Variants in ATP2B2 observed in about 807,000 individuals in gnomAD.
ATP2B2 encodes the protein ATPase plasma membrane Ca2+ transporting 2.
Under a neutral mutation model 120.0 loss-of-function variants are expected in ATP2B2, and 15 were observed. The ratio of observed to expected loss-of-function variants is 0.12; its 90% CI spans 0.08 to 0.19. The LOEUF (loss-of-function observed/expected upper bound fraction) is 0.19. Ranked by LOEUF, ATP2B2 falls within the 10% of genes least tolerant of loss-of-function variation. ATP2B2 has a pLI of 1.00. For synonymous variants in ATP2B2, 694 were observed against 700.3 expected (o/e 0.99, Z 0.14); for missense variants, 1,045 against 1,719.8 (o/e 0.61, Z 6.94).
intron 2 of ATP2B2, among the ~76,000 whole-genome samples, chr3:10,615,842 T>A (rs2069371546): frequency 6.6e-6 from 1 of 152,218 alleles, no homozygotes; most frequent in Admixed American, 6.5e-5. Flanking sequence ...GAGAGTTTCT[T>A]AGTAAAATTA....
At position 10,594,711 on chromosome 3, in the gene ATP2B2, T is replaced by TATAATAATAATAATA. The variant is rs147616326; in HGVS notation, c.-415+25191_-415+25205dup. Among the ~76,000 whole-genome samples the TATAATAATAATAATA allele has an allele frequency of 3.8e-3, 573 of 149,700 alleles. 3 individuals are homozygous for TATAATAATAATAATA. Among genetic ancestry groups the TATAATAATAATAATA allele is most frequent in the East Asian group, 9.3e-3 (47 of 5,056 alleles). ...TGCACATGTACCCTAGAACTTAAAG[T>TATAATAATAATAATA]ATAATAATAATAATAATAATAATAA... On this transcript the variant is annotated intron_variant, in intron 2 of 21. Transcript: ENST00000646379.
upstream of ATP2B2, among the ~76,000 whole-genome samples, chr3:10,509,285 G>A (rs2066712235): frequency 1.3e-5 from 2 of 152,170 alleles, no homozygotes; most frequent in Non-Finnish European, 2.9e-5. Context: ...AAGCATGGAT[G>A]AGGGCTACCC....
intron 2 of ATP2B2, among the ~76,000 whole-genome samples, chr3:10,617,484 C>G (rs6802970): frequency 0.55 from 84,372 of 152,128 alleles, 24,141 homozygotes; most frequent in Middle Eastern, 0.63. Context: ...AGGAAGGGAA[C>G]GAAAGGAGGT....
Position 10,372,013 on chromosome 3 carries a change from A to C in ATP2B2, c.1455T>G (p.Asp485Glu). The C allele has an allele frequency of 6.2e-7, 1 of 1,614,212 alleles. No homozygotes were observed. Among genetic ancestry groups the C allele is most frequent in the South Asian group, 1.1e-5 (1 of 91,080 alleles). ...MKDNNLVRHL[D>E]ACETMGNATA... ...TGGCATTGCCCATGGTCTCACAGGC[A>C]TCCAGGTGGCGTACCAGGTTGTTGT... The change falls in exon 12 of 23, where the codon GAT becomes GAG. Residue 485 changes from aspartate to glutamate, a missense_variant. Around this residue, in one of 11 missense-constraint regions of ATP2B2, gnomAD observed 343 missense variants for 536.8 expected, o/e 0.64. Coordinates refer to ENST00000360273, the MANE Select transcript of ATP2B2 (RefSeq NM_001001331.4).
At chr3:10,651,523 T>C (rs1013964550) in intron 1 of ATP2B2, among the ~76,000 whole-genome samples, 1 of 152,238 alleles carries the variant, frequency 6.6e-6, no homozygotes, top group Non-Finnish European at 1.5e-5. Context: ...CACATGGAAC[T>C]GTAAGTCCAA....
intron 1 of ATP2B2, among the ~76,000 whole-genome samples, chr3:10,698,731 T>A (rs2080008129): frequency 6.6e-6 from 1 of 152,206 alleles, no homozygotes; most frequent in Non-Finnish European, 1.5e-5. Context: ...GCCTGGGGAA[T>A]GTGCAAAGGA....
At chr3:10,348,057 G>C (rs3774193) in intron 16 of ATP2B2, among the ~76,000 whole-genome samples, 8,525 of 151,922 alleles carry the variant, frequency 0.056, 430 homozygotes, top group East Asian at 0.28. Context: ...ACCATCACTC[G>C]GGCAGCTCTT....
chr3:10,416,894 C>T (rs2062802918), intron 2 of ATP2B2, among the ~76,000 whole-genome samples: 1 of 151,980 alleles, frequency 6.6e-6, no homozygotes, highest in Admixed American at 6.5e-5. Context: ...AGGCGCTCCT[C>T]ACTTCCCAGA....
At chr3:10,559,250 A>T (rs1009251843) in intron 2 of ATP2B2, among the ~76,000 whole-genome samples, 3 of 152,146 alleles carry the variant, frequency 2.0e-5, no homozygotes, top group Non-Finnish European at 4.4e-5. Flanking sequence ...GAGGCTGGGA[A>T]ATGTAGTGGG....
chr3:10,367,885 G>A (rs1012257650), intron 12 of ATP2B2, among the ~76,000 whole-genome samples: 2 of 152,178 alleles, frequency 1.3e-5, no homozygotes, highest in African/African-American at 4.8e-5. Context: ...ATAATGATAT[G>A]CTCACTTTAT....
chr3:10,451,655 C>T (rs2064055734), intron 1 of ATP2B2, among the ~76,000 whole-genome samples: 1 of 152,094 alleles, frequency 6.6e-6, no homozygotes, highest in African/African-American at 2.4e-5. Flanking sequence ...TGGAATAGAA[C>T]ATAAAATGGA....
intron 1 of ATP2B2, among the ~76,000 whole-genome samples, chr3:10,650,173 A>G (rs1419401339): frequency 1.3e-5 from 2 of 152,200 alleles, no homozygotes; most frequent in Non-Finnish European, 2.9e-5. Flanking sequence ...GACTTGTTGA[A>G]TGGCTTTGAC....
chr3:10,696,372 C>T (rs889919694), intron 1 of ATP2B2, among the ~76,000 whole-genome samples: 2 of 152,220 alleles, frequency 1.3e-5, no homozygotes, highest in Non-Finnish European at 1.5e-5. Flanking sequence ...AGGTATTAAA[C>T]ATCAGGATGA....
intron 2 of ATP2B2, among the ~76,000 whole-genome samples, chr3:10,563,078 T>G (rs1327512437): frequency 6.6e-6 from 1 of 152,252 alleles, no homozygotes; most frequent in South Asian, 2.1e-4. Flanking sequence ...AAGTCCTTTC[T>G]GTTTTTCCTT....
At chr3:10,464,727 C>T (rs1024615096) in intron 1 of ATP2B2, among the ~76,000 whole-genome samples, 2 of 152,228 alleles carry the variant, frequency 1.3e-5, no homozygotes, top group African/African-American at 4.8e-5. Flanking sequence ...GCCCCTCCCT[C>T]CCAGGGTTGT....
chr3:10,416,024 TC>T (rs1473378039), intron 2 of ATP2B2, among the ~76,000 whole-genome samples: 2 of 152,160 alleles, frequency 1.3e-5, no homozygotes, highest in African/African-American at 4.8e-5. Context: ...CAAAATAACC[TC>T]TAGGCTGGGG....
At chr3:10,378,533 G>A in intron 9 of ATP2B2, 123 bp from the exon 10 acceptor site, 1 of 1,324,360 alleles carries the variant, frequency 7.6e-7, no homozygotes, top group Non-Finnish European at 1.1e-6. Context: ...TGACTGCCTG[G>A]ACTGAGCCCC....
chr3:10,632,530 G>A (rs918647366), intron 1 of ATP2B2, among the ~76,000 whole-genome samples: 14 of 152,222 alleles, frequency 9.2e-5, no homozygotes, highest in South Asian at 2.1e-4. Context: ...CAGTAGGTGC[G>A]TCACAAATTT....
intron 2 of ATP2B2, among the ~76,000 whole-genome samples, chr3:10,600,231 A>G (rs530936410): frequency 3.3e-5 from 5 of 152,296 alleles, no homozygotes; most frequent in African/African-American, 1.2e-4. Context: ...TCATTTCCCA[A>G]GTGTGTCCCC....
Sources: gnomAD v4.1 joint callset for allele counts (sites outside exome capture counted in the v4.1 genomes callset) on GRCh38, gnomAD v4.1.1 for gene constraint, gnomAD v4.1.1 regional missense constraint, MANE v1.5 for transcripts, NCBI Gene and HGNC (gene_info 2026-07-23, HGNC 2026-07-21) for gene names.